SNTG1: variants seen among roughly 807,000 people sequenced by gnomAD.
SNTG1 encodes the protein gamma-1-syntrophin.
In SNTG1, 39 loss-of-function variants were observed where a neutral mutation model predicts 74.7. That is an observed-to-expected ratio of 0.52 (90% CI 0.40 to 0.68). The LOEUF (loss-of-function observed/expected upper bound fraction) is 0.68, where lower values mean the gene tolerates loss of function less well. Ranked by LOEUF, SNTG1 falls within the 30% of genes least tolerant of loss-of-function variation. SNTG1 has a pLI of 0.00. For missense variants in SNTG1, 685 were observed against 609.5 expected, an observed-to-expected ratio of 1.12 and a Z score of -1.30; for synonymous variants, 254 against 217.1, an observed-to-expected ratio of 1.17 and a Z score of -1.49.
At chr8:50,467,905 A>G (rs1201354111) in intron 8 of SNTG1, among the ~76,000 whole-genome samples, 3 of 151,922 alleles carry the variant, frequency 2.0e-5, no homozygotes, top group Non-Finnish European at 4.4e-5. Context: ...GCTATATAGA[A>G]GAGTACTGAT....
At chr8:50,357,323 C>G (rs1469532232) in intron 2 of SNTG1, among the ~76,000 whole-genome samples, 1 of 152,198 alleles carries the variant, frequency 6.6e-6, no homozygotes, top group Non-Finnish European at 1.5e-5. Flanking sequence ...AGAAGTTAAT[C>G]AACAATTGCC....
chr8:50,315,751 C>A (rs1172052930), intron 2 of SNTG1, among the ~76,000 whole-genome samples: 1 of 138,098 alleles, frequency 7.2e-6, no homozygotes, highest in African/African-American at 3.0e-5. Context: ...AAAAGAAAAA[C>A]ATACTAATAC....
chr8:50,089,097 C>T (rs1270715564), intron 1 of SNTG1, among the ~76,000 whole-genome samples: 300 of 150,752 alleles, frequency 2.0e-3, no homozygotes, highest in African/African-American at 5.1e-3. Context: ...TCAGAAATAA[C>T]GCCGCATATC....
chr8:50,564,985 T>G (rs970466165), intron 12 of SNTG1, among the ~76,000 whole-genome samples: 1 of 152,034 alleles, frequency 6.6e-6, no homozygotes, highest in African/African-American at 2.4e-5. Context: ...AGCTGGGTGG[T>G]TAACGTCAAC....
In SNTG1 at chr8:50,196,216, C is replaced by T. The variant is rs74737763; in HGVS notation, c.-28+23581C>T. On this transcript the variant is annotated intron_variant, in intron 2 of 18. Transcript: ENST00000642720. ...TAGAGTTTTTGACCTAGTGTCAAGG[C>T]AAAAGCACTTAAATAATTGTCAGAA... 7.0e-3 allele frequency among the ~76,000 whole-genome samples: 1,072 copies of T among 152,186 alleles called. 4 individuals carry two copies. The highest frequency in any genetic ancestry group is 0.012 in the Non-Finnish European group (832 of 68,026).
chr8:50,405,389 C>T (rs1416724458), intron 4 of SNTG1, among the ~76,000 whole-genome samples: 4 of 152,022 alleles, frequency 2.6e-5, no homozygotes, highest in African/African-American at 9.7e-5. Flanking sequence ...TTTGCATTCT[C>T]CTGTCAATTA....
At chr8:50,160,802 T>TG (rs2082392940) in intron 1 of SNTG1, among the ~76,000 whole-genome samples, 1 of 152,204 alleles carries the variant, frequency 6.6e-6, no homozygotes, top group Admixed American at 6.5e-5. Context: ...ACGGAATAGC[T>TG]GTAGTACTTT....
At chr8:50,719,676 G>A (rs1267813744) in intron 17 of SNTG1, among the ~76,000 whole-genome samples, 2 of 152,146 alleles carry the variant, frequency 1.3e-5, no homozygotes. Context: ...ATGACCAGTA[G>A]TATGTGGAAA....
intron 2 of SNTG1, among the ~76,000 whole-genome samples, chr8:50,197,877 T>C (rs1563727632): frequency 6.6e-6 from 1 of 152,164 alleles, no homozygotes; most frequent in Non-Finnish European, 1.5e-5. Flanking sequence ...ATATTTTCTT[T>C]TTTTATTTTA....
intron 1 of SNTG1, among the ~76,000 whole-genome samples, chr8:50,033,478 T>C (rs1010379411): frequency 1.3e-5 from 2 of 152,150 alleles, no homozygotes; most frequent in African/African-American, 4.8e-5. Flanking sequence ...TTTGTATTAG[T>C]TTGCTAGGGC....
intron 18 of SNTG1, among the ~76,000 whole-genome samples, chr8:50,768,378 A>C (rs4382493): frequency 0.44 from 66,078 of 151,806 alleles, 16,606 homozygotes; most frequent in African/African-American, 0.7. Flanking sequence ...ATACATAACA[A>C]AATTAATGGA....
intron 17 of SNTG1, among the ~76,000 whole-genome samples, chr8:50,737,130 T>G (rs2095530893): frequency 6.6e-6 from 1 of 152,020 alleles, no homozygotes; most frequent in Non-Finnish European, 1.5e-5. Flanking sequence ...AGGAGCTGGT[T>G]TTTTGAAAAG....
At chr8:50,291,480 A>G (rs1046713797) in intron 2 of SNTG1, among the ~76,000 whole-genome samples, 2 of 152,158 alleles carry the variant, frequency 1.3e-5, no homozygotes, top group African/African-American at 4.8e-5. Context: ...CATGTAATGG[A>G]AACCTTCATA....
At chr8:50,739,878 G>A (rs2095538758) in intron 17 of SNTG1, among the ~76,000 whole-genome samples, 1 of 152,016 alleles carries the variant, frequency 6.6e-6, no homozygotes, top group Admixed American at 6.6e-5. Context: ...AGTGGGGTAA[G>A]GATTCCCTAT....
At chr8:50,696,527 G>A (rs2095405912) in intron 15 of SNTG1, among the ~76,000 whole-genome samples, 3 of 152,030 alleles carry the variant, frequency 2.0e-5, no homozygotes, top group African/African-American at 7.2e-5. Flanking sequence ...CTAGGCCAAT[G>A]TCCAGAAGAC....
intron 9 of SNTG1, among the ~76,000 whole-genome samples, chr8:50,513,940 A>T (rs539650051): frequency 2.6e-5 from 4 of 152,202 alleles, no homozygotes; most frequent in East Asian, 1.9e-4. Flanking sequence ...ACTTTTTGAC[A>T]TTCCCCAATG....
intron 2 of SNTG1, among the ~76,000 whole-genome samples, chr8:50,189,171 A>C (rs1353629740): frequency 6.6e-6 from 1 of 152,208 alleles, no homozygotes; most frequent in Non-Finnish European, 1.5e-5. Context: ...TGGGCCGTGG[A>C]AACTTTGAAA....
At chr8:50,086,007 C>A (rs183911464) in intron 1 of SNTG1, among the ~76,000 whole-genome samples, 66 of 151,876 alleles carry the variant, frequency 4.3e-4, no homozygotes, top group African/African-American at 1.4e-3. Flanking sequence ...GAGTTCATAC[C>A]CAGATTAAAC....
At chr8:50,424,809 T>G (rs1000882207) in intron 4 of SNTG1, among the ~76,000 whole-genome samples, 1 of 152,208 alleles carries the variant, frequency 6.6e-6, no homozygotes, top group Admixed American at 6.6e-5. Context: ...TAGGAAAATT[T>G]CAAAAGCCAT....
Sources: allele counts gnomAD v4.1 joint callset (sites outside exome capture counted in the v4.1 genomes callset), GRCh38; gene constraint gnomAD v4.1.1; transcripts MANE v1.5; gene names NCBI Gene and HGNC (gene_info 2026-07-23, HGNC 2026-07-21).